TRPC3: variants seen among roughly 807,000 people sequenced by gnomAD.
TRPC3 encodes short transient receptor potential channel 3.
Under a neutral mutation model 90.9 loss-of-function variants are expected in TRPC3, and 54 were observed. The ratio of observed to expected loss-of-function variants is 0.59; its 90% CI spans 0.48 to 0.75. The LOEUF (loss-of-function observed/expected upper bound fraction) is 0.75, where lower values mean the gene tolerates loss of function less well. TRPC3 is among the 30% of genes least tolerant of loss of function. TRPC3 has a pLI of 0.00. For synonymous variants in TRPC3, 424 were observed against 450.9 expected (o/e 0.94, Z 0.75); for missense variants, 918 against 1,194.5 (o/e 0.77, Z 3.41).
At chr4:121,903,616 CT>C (rs1463041928) in intron 8 of TRPC3, among the ~76,000 whole-genome samples, 6 of 152,276 alleles carry the variant, frequency 3.9e-5, no homozygotes, top group African/African-American at 1.4e-4. Flanking sequence ...ATTCTCTGTG[CT>C]GCCCACGGTG....
chr4:121,951,584 G>T lies in TRPC3; in HGVS notation c.97C>A (p.Pro33Thr). 6.9e-7 allele frequency: 1 copy of T among 1,450,710 alleles called. No homozygotes were observed. The highest frequency in any genetic ancestry group is 2.6e-5 in the Admixed American group (1 of 37,824). 89.9% of individuals were successfully genotyped at this position (1,450,710 alleles called of 1,614,324 possible). The change falls in exon 1 of 12, where the codon CCG (proline) becomes ACG (threonine). Residue 33 changes from proline (P) to threonine (T), a missense_variant. Coordinates refer to ENST00000379645, the MANE Select transcript of TRPC3 (RefSeq NM_001130698.2). The surrounding 1 kb of genome is among the most constrained non-coding windows in gnomAD (Gnocchi z 4.4). The stretch of plus-strand genomic sequence containing the variant: ...CTCCAGCCCCGGCGGCGGCGCTGCG[G>T]CTCCGCGCCCTCGTCCTCGCCCTCG... ...EDEGEDEGAE[P>T]QRRRRGWRGV...
chr4:121,886,927 G>C lies in TRPC3; in HGVS notation c.2548-4498C>G, dbSNP rs955639450. 8.5e-5 allele frequency among the ~76,000 whole-genome samples: 13 copies of C among 152,228 alleles called. No individual in the cohort carries two copies. In the East Asian group the frequency reaches 2.3e-3, roughly 27 times the overall value. Reference sequence around the variant, plus strand: ...GCTCCAATTCGCAGCAATTACTAGTGGGTTTTTAAAGGAAAAGAAGAGGCA... The same window carrying C: ...GCTCCAATTCGCAGCAATTACTAGTCGGTTTTTAAAGGAAAAGAAGAGGCA... On this transcript the variant is annotated intron_variant, in intron 10 of 11. Coordinates refer to ENST00000379645, the MANE Select transcript of TRPC3 (RefSeq NM_001130698.2).
At position 121,904,497 on chromosome 4, in the gene TRPC3, G is replaced by C; in HGVS notation, c.2078C>G (p.Thr693Ser). The C allele has an allele frequency of 6.4e-7, 1 of 1,561,792 alleles. No individual in the cohort carries two copies. The highest frequency in any genetic ancestry group is 8.6e-7 in the Non-Finnish European group (1 of 1,157,612). The change falls in exon 8 of 12, where the codon ACT becomes AGT. Residue 693 changes from threonine to serine, a missense_variant. Transcript: ENST00000379645. Reference sequence around the variant, plus strand: ...CAACCCAAATATTGACCAAAATAAAGTCTTGAAACTTTCTTCTACACTGTT... The same window carrying C: ...CAACCCAAATATTGACCAAAATAAACTCTTGAAACTTTCTTCTACACTGTT... Reference protein sequence around the residue: ...AFTTVEESFKTLFWSIFGLSE... With the variant: ...AFTTVEESFKSLFWSIFGLSE...
At chr4:121,908,228 T>C (rs1728955024) in intron 6 of TRPC3, among the ~76,000 whole-genome samples, 1 of 152,162 alleles carries the variant, frequency 6.6e-6, no homozygotes, top group Admixed American at 6.6e-5. Flanking sequence ...TGAAATATTA[T>C]GTGGTTAATT....
At chr4:121,922,397 CTAAT>C (rs1729553314) in intron 3 of TRPC3, among the ~76,000 whole-genome samples, 1 of 152,132 alleles carries the variant, frequency 6.6e-6, no homozygotes, top group Non-Finnish European at 1.5e-5. Context: ...ATCAAAGACT[CTAAT>C]TAATACTCCT....
At position 121,925,327 on chromosome 4, in the gene TRPC3, G is replaced by C; in HGVS notation, c.988-121C>G. 4 of 1,059,812 alleles carry C rather than the reference G, an allele frequency of 3.8e-6. No homozygotes were observed. In the South Asian group the frequency reaches 5.3e-5, roughly 14 times the overall value. 65.7% of individuals were successfully genotyped at this position (1,059,812 alleles called of 1,614,324 possible). ...GGGGTAGAAAGCTGCAGCCCACCTG[G>C]ATGCAAGGCTTGTTGAGCTGAATAC... On this transcript the variant is annotated intron_variant, in intron 2 of 11. Coordinates refer to ENST00000379645, the MANE Select transcript of TRPC3 (RefSeq NM_001130698.2).
Position 121,924,916 on chromosome 4 carries a change from A to G in TRPC3, c.1176+102T>C, listed in dbSNP as rs1190095826. On this transcript the variant is annotated intron_variant, in intron 3 of 11. Coordinates refer to ENST00000379645, the MANE Select transcript of TRPC3 (RefSeq NM_001130698.2). ...GTCTCATTATGTTGCCCAGCCTACT[A>G]GCGTCTAGTCTTATTATTTTAATAA... is the stretch of plus-strand genomic sequence containing the variant. The G allele has an allele frequency of 3.9e-6, 5 of 1,276,998 alleles. No individual in the cohort carries two copies. The East Asian group carries it at 7.2e-5, about 18-fold the overall frequency. The allele number at this position is 1,276,998 out of a possible 1,614,324, so 79.1% of individuals were successfully genotyped here.
intron 1 of TRPC3, among the ~76,000 whole-genome samples, chr4:121,950,051 G>C (rs1175467280): frequency 6.6e-6 from 1 of 152,248 alleles, no homozygotes; most frequent in African/African-American, 2.4e-5. Context: ...TTAGGGAGAC[G>C]GGGAAGTGAG....
intron 10 of TRPC3, among the ~76,000 whole-genome samples, chr4:121,883,808 G>A (rs1410297784): frequency 6.6e-6 from 1 of 152,198 alleles, no homozygotes; most frequent in East Asian, 1.9e-4. Flanking sequence ...TGGGCTCAAC[G>A]CTGTCCTCCT....
chr4:121,911,990 TCGAACC>T lies in TRPC3; in HGVS notation c.1439_1444del (p.Arg480_Glu482delinsLys). 1 of 1,613,900 alleles carries T rather than the reference TCGAACC, an allele frequency of 6.2e-7. No homozygotes were observed. Among genetic ancestry groups the T allele is most frequent in the Non-Finnish European group, 8.5e-7 (1 of 1,179,850 alleles). ...GATATTGGGCAGCGTGGTGATGCCT[TCGAACC>T]TGTCTGAGGCATTGAACACAAGCAG... On this transcript the variant is annotated inframe_deletion, in exon 5 of 12. Transcript: ENST00000379645.
At chr4:121,937,799 G>A (rs777427558) in intron 1 of TRPC3, among the ~76,000 whole-genome samples, 4 of 152,034 alleles carry the variant, frequency 2.6e-5, no homozygotes, top group Non-Finnish European at 5.9e-5. Context: ...CTGCTCAATT[G>A]TTATTACTAT....
In TRPC3 at chr4:121,932,145, G is replaced by A; in HGVS notation, c.987+126C>T. The A allele has an allele frequency of 7.0e-7, 1 of 1,424,286 alleles. No individual in the cohort carries two copies. The highest frequency in any genetic ancestry group is 9.4e-7 in the Non-Finnish European group (1 of 1,061,644). 88.2% of individuals were successfully genotyped at this position (1,424,286 alleles called of 1,614,324 possible). Reference sequence around the variant, plus strand: ...AGATGAGGTCTGAATGACGTTCTCAGTCCCTCGTGATTTCACATTCACTGG... The same window carrying A: ...AGATGAGGTCTGAATGACGTTCTCAATCCCTCGTGATTTCACATTCACTGG... On this transcript the variant is annotated intron_variant, in intron 2 of 11. Transcript: ENST00000379645. The surrounding 1 kb of genome is among the most constrained non-coding windows in gnomAD (Gnocchi z 7.7).
intron 1 of TRPC3, among the ~76,000 whole-genome samples, chr4:121,935,663 G>A (rs1730106439): frequency 6.6e-6 from 1 of 151,906 alleles, no homozygotes; most frequent in Non-Finnish European, 1.5e-5. Context: ...ATTCCATGTT[G>A]TATAAAATAT....
At chr4:121,899,481 T>C (rs1728629840) in intron 10 of TRPC3, 131 bp downstream of exon 10, 2 of 611,736 alleles carry the variant, frequency 3.3e-6, no homozygotes, top group Admixed American at 3.4e-5. Flanking sequence ...ATTTTCTTTG[T>C]TCTGAACTAT....
chr4:121,912,000 C>T lies in TRPC3; in HGVS notation c.1435G>A (p.Asp479Asn), dbSNP rs1224791989. Reference sequence around the variant, plus strand: ...AGCGTGGTGATGCCTTCGAACCTGTCTGAGGCATTGAACACAAGCAGACCC... The same window carrying T: ...AGCGTGGTGATGCCTTCGAACCTGTTTGAGGCATTGAACACAAGCAGACCC... The part of the protein sequence containing the change: ...FLGLLVFNAS[D>N]RFEGITTLPN... The change falls in exon 5 of 12, where the codon GAC becomes AAC. Residue 479 changes from aspartate to asparagine, a missense_variant. By Grantham distance (23) the Asp-to-Asn change is conservative (BLOSUM62 1). Coordinates refer to ENST00000379645, the MANE Select transcript of TRPC3 (RefSeq NM_001130698.2). 1 of 1,613,870 alleles carries T rather than the reference C, an allele frequency of 6.2e-7. No homozygotes were observed. The highest frequency in any genetic ancestry group is 2.2e-5 in the East Asian group (1 of 44,878).
intron 3 of TRPC3, among the ~76,000 whole-genome samples, chr4:121,918,052 T>G (rs1729377388): frequency 1.3e-5 from 2 of 152,174 alleles, no homozygotes; most frequent in Admixed American, 1.3e-4. Context: ...AGGTGGGGCC[T>G]TCAAGAGGTG....
intron 11 of TRPC3, among the ~76,000 whole-genome samples, 158 bp from the exon 12 acceptor site, chr4:121,880,036 C>G (rs1479960773): frequency 1.3e-5 from 2 of 152,222 alleles, no homozygotes; most frequent in Non-Finnish European, 1.5e-5. Flanking sequence ...AAACATCTGT[C>G]TTTAAAGGTA....
chr4:121,950,276 G>A (rs985404617), intron 1 of TRPC3, among the ~76,000 whole-genome samples: 2 of 152,120 alleles, frequency 1.3e-5, no homozygotes, highest in Non-Finnish European at 2.9e-5. Flanking sequence ...CTGCGCGCGC[G>A]GAGCAGCGCG....
chr4:121,933,256 C>T, intron 1 of TRPC3: 1 of 998,354 alleles, frequency 1.0e-6, no homozygotes, highest in Non-Finnish European at 1.3e-6. Flanking sequence ...AAGCCGGCAG[C>T]CCTTCAGAAC....
Sources: gnomAD v4.1 joint callset for allele counts (sites outside exome capture counted in the v4.1 genomes callset) on GRCh38, gnomAD v4.1.1 for gene constraint, Gnocchi (gnomAD v3.1) non-coding constraint, MANE v1.5 for transcripts, NCBI Gene and HGNC (gene_info 2026-07-23, HGNC 2026-07-21) for gene names.